TNIK: variants seen among roughly 807,000 people sequenced by gnomAD.
TNIK encodes the protein TRAF2 and NCK interacting kinase.
A neutral mutation model predicts 191.3 loss-of-function variants in TNIK; 49 were observed. The observed-to-expected ratio is 0.26, with a 90% CI of 0.20 to 0.32. The LOEUF (loss-of-function observed/expected upper bound fraction) is 0.32. TNIK is among the 10% of genes least tolerant of loss of function. The pLI, the probability that TNIK is intolerant of heterozygous loss-of-function variation, is 1.00. For missense variants in TNIK, 1,155 were observed against 1,702.3 expected (o/e 0.68, Z 5.66); for synonymous variants, 594 against 600.9 (o/e 0.99, Z 0.17).
chr3:171,098,298 T>TG (rs1723003215), intron 22 of TNIK, among the ~76,000 whole-genome samples: 1 of 150,730 alleles, frequency 6.6e-6, no homozygotes, highest in African/African-American at 2.5e-5. Context: ...ATAAAGCTTT[T>TG]ATTTTTTTCC....
At chr3:171,362,269 T>C (rs1045563290) in intron 2 of TNIK, among the ~76,000 whole-genome samples, 1 of 152,214 alleles carries the variant, frequency 6.6e-6, no homozygotes, top group Non-Finnish European at 1.5e-5. Flanking sequence ...GTGGCAATTA[T>C]ATCACCAAAT....
intron 18 of TNIK, among the ~76,000 whole-genome samples, chr3:171,121,811 A>G (rs888446250): frequency 6.6e-6 from 1 of 152,214 alleles, no homozygotes; most frequent in African/African-American, 2.4e-5. Flanking sequence ...TGCTGGCCAC[A>G]TGGAGATACA....
intron 10 of TNIK, among the ~76,000 whole-genome samples, chr3:171,162,348 T>C (rs550648151): frequency 7.2e-5 from 11 of 152,082 alleles, no homozygotes; most frequent in African/African-American, 2.7e-4. Context: ...GGCATGAACC[T>C]GGAAGGTGGA....
intron 3 of TNIK, among the ~76,000 whole-genome samples, chr3:171,224,162 A>G (rs1742700916): frequency 6.6e-6 from 1 of 152,148 alleles, no homozygotes; most frequent in African/African-American, 2.4e-5. Flanking sequence ...GAGCCCACAG[A>G]TGGAGAGAGA....
intron 2 of TNIK, among the ~76,000 whole-genome samples, chr3:171,268,433 T>C (rs1312212944): frequency 6.6e-6 from 1 of 152,062 alleles, no homozygotes; most frequent in Admixed American, 6.6e-5. Flanking sequence ...TTCTATCCAT[T>C]GACCTCCCTA....
At chr3:171,106,908 C>G in intron 21 of TNIK, 1 of 517,892 alleles carries the variant, frequency 1.9e-6, no homozygotes, top group Non-Finnish European at 3.7e-6. Context: ...GAAGGAGAAA[C>G]TGCCATTAAT....
intron 2 of TNIK, among the ~76,000 whole-genome samples, chr3:171,255,812 G>C (rs1451324922): frequency 6.6e-6 from 1 of 152,148 alleles, no homozygotes; most frequent in Non-Finnish European, 1.5e-5. Flanking sequence ...TCTTCTGTTT[G>C]GAAGGACATT....
intron 1 of TNIK, among the ~76,000 whole-genome samples, chr3:171,382,042 A>G (rs968977790): frequency 6.6e-6 from 1 of 152,092 alleles, no homozygotes; most frequent in Non-Finnish European, 1.5e-5. Flanking sequence ...TTAACCCACT[A>G]ATATTTTGAG....
chr3:171,355,469 G>C (rs1352411884), intron 2 of TNIK, among the ~76,000 whole-genome samples: 1 of 152,208 alleles, frequency 6.6e-6, no homozygotes, highest in African/African-American at 2.4e-5. Flanking sequence ...GAAATCACCA[G>C]AAGTGTTAGC....
At chr3:171,216,598 C>T (rs1296551629) in intron 3 of TNIK, among the ~76,000 whole-genome samples, 1 of 152,098 alleles carries the variant, frequency 6.6e-6, no homozygotes, top group Non-Finnish European at 1.5e-5. Flanking sequence ...CTGGCGTTTT[C>T]CAGTGTGTTC....
chr3:171,095,354 C>T (rs1722575667), intron 22 of TNIK, among the ~76,000 whole-genome samples: 1 of 152,152 alleles, frequency 6.6e-6, no homozygotes, highest in African/African-American at 2.4e-5. Context: ...AACCACACAC[C>T]ACAGGTTGAG....
intron 2 of TNIK, among the ~76,000 whole-genome samples, chr3:171,345,001 C>T (rs1190008010): frequency 1.3e-5 from 2 of 152,106 alleles, no homozygotes. Flanking sequence ...TTGATGTTCC[C>T]TATCCTTTAT....
In TNIK at chr3:171,087,114, T is replaced by C. The variant is rs368833705; in HGVS notation, c.2886+228A>G. Among the ~76,000 whole-genome samples, 3 of 152,324 alleles carry C rather than the reference T, an allele frequency of 2.0e-5. No individual in the cohort carries two copies. In the South Asian group the frequency reaches 6.2e-4, roughly 32 times the overall value. On this transcript the variant is annotated intron_variant, in intron 24 of 32. Coordinates refer to ENST00000436636, the MANE Select transcript of TNIK (RefSeq NM_015028.4). ...GTCATTCAACCTCTGTGAACCTCAG[T>C]ACACTCATCTGTAGAAACAGGTATT...
chr3:171,190,382 C>T (rs1028772925), intron 6 of TNIK, among the ~76,000 whole-genome samples: 1 of 152,086 alleles, frequency 6.6e-6, no homozygotes, highest in East Asian at 1.9e-4. Flanking sequence ...ATAGCAGCAA[C>T]AGTATAAACA....
intron 2 of TNIK, among the ~76,000 whole-genome samples, chr3:171,321,068 A>C (rs1755122051): frequency 6.6e-6 from 1 of 151,986 alleles, no homozygotes; most frequent in Admixed American, 6.6e-5. Flanking sequence ...AAGTAGGGGG[A>C]AAAAATAATT....
intron 5 of TNIK, among the ~76,000 whole-genome samples, chr3:171,191,329 CCT>C (rs1738040732): frequency 6.6e-6 from 1 of 152,190 alleles, no homozygotes; most frequent in Non-Finnish European, 1.5e-5. Context: ...CTCACTGCAA[CCT>C]CTGTGTCTTG....
chr3:171,393,575 T>C (rs1719847013), intron 1 of TNIK, among the ~76,000 whole-genome samples: 1 of 152,228 alleles, frequency 6.6e-6, no homozygotes, highest in African/African-American at 2.4e-5. Flanking sequence ...CTATTAGGCC[T>C]GAAATCCAAA....
At chr3:171,228,857 A>C (rs374150769) in intron 2 of TNIK, among the ~76,000 whole-genome samples, 30 of 152,314 alleles carry the variant, frequency 2.0e-4, no homozygotes, top group African/African-American at 7.2e-4. Context: ...AGGGAGCGCC[A>C]AGGGGGCACT....
At chr3:171,424,857 T>G in intron 1 of TNIK, among the ~76,000 whole-genome samples, 1 of 140,454 alleles carries the variant, frequency 7.1e-6, no homozygotes, top group African/African-American at 2.6e-5. Context: ...GGGGGAGGGA[T>G]AGCATTAGGA....
Sources: allele counts gnomAD v4.1 joint callset (sites outside exome capture counted in the v4.1 genomes callset), GRCh38; gene constraint gnomAD v4.1.1; transcripts MANE v1.5; gene names NCBI Gene and HGNC (gene_info 2026-07-23, HGNC 2026-07-21).